Variants in CNBD1 observed in about 807,000 individuals in gnomAD.
CNBD1 encodes cyclic nucleotide-binding domain-containing protein 1.
Under a neutral mutation model 54.4 loss-of-function variants are expected in CNBD1, and 71 were observed. The observed-to-expected ratio is 1.30, with a 90% CI of 1.08 to 1.59. The LOEUF (loss-of-function observed/expected upper bound fraction) is 1.59. CNBD1 is among the 40% of genes most tolerant of loss of function. The probability of loss-of-function intolerance (pLI) is 0.00; values close to 1 mark genes in which losing one functional copy is unlikely to be tolerated. For missense variants in CNBD1, 659 were observed against 518.0 expected, an observed-to-expected ratio of 1.27 and a Z score of -2.64; for synonymous variants, 182 against 170.7, an observed-to-expected ratio of 1.07 and a Z score of -0.51.
chr8:86,921,963 T>C (rs1401941976), intron 3 of CNBD1, among the ~76,000 whole-genome samples: 1 of 152,014 alleles, frequency 6.6e-6, no homozygotes. Flanking sequence ...AGAGGAAGAC[T>C]TCAGGGCAGG....
In CNBD1 at chr8:87,241,095, T is replaced by C. The variant is rs376746399; in HGVS notation, c.771+3983T>C. ...GAAAACTTCAGGACTCTAAAAATTG[T>C]CATGAAGCAGGTATCTTTCAATCTT... On this transcript the variant is annotated intron_variant, in intron 6 of 10. Coordinates refer to ENST00000518476, the MANE Select transcript of CNBD1 (RefSeq NM_173538.3). Among the ~76,000 whole-genome samples, 35 of 152,208 alleles carry C rather than the reference T, an allele frequency of 2.3e-4. 1 individual carries two copies. Among genetic ancestry groups the C allele is most frequent in the East Asian group, 1.5e-3 (8 of 5,174 alleles).
chr8:87,141,388 A>T (rs922242397), intron 4 of CNBD1, among the ~76,000 whole-genome samples: 6 of 152,118 alleles, frequency 3.9e-5, no homozygotes, highest in Non-Finnish European at 7.4e-5. Context: ...ATGTTCTTAC[A>T]CTGTCAATAT....
chr8:87,346,034 C>A (rs1810169114), intron 8 of CNBD1, among the ~76,000 whole-genome samples: 1 of 150,384 alleles, frequency 6.6e-6, no homozygotes, highest in African/African-American at 2.5e-5. Context: ...GTTTAATTTT[C>A]TTTTTTTTTC....
At chr8:87,029,528 T>C (rs1166684457) in intron 4 of CNBD1, among the ~76,000 whole-genome samples, 2 of 152,050 alleles carry the variant, frequency 1.3e-5, no homozygotes, top group African/African-American at 2.4e-5. Flanking sequence ...TGTGCTCTCA[T>C]AGAAAGGTAA....
intron 5 of CNBD1, among the ~76,000 whole-genome samples, chr8:87,213,058 A>G (rs997244223): frequency 6.6e-6 from 1 of 152,194 alleles, no homozygotes; most frequent in Non-Finnish European, 1.5e-5. Flanking sequence ...GAATAGATAC[A>G]TTTTCAGAGA....
chr8:87,194,272 G>A (rs1813669476), intron 4 of CNBD1, among the ~76,000 whole-genome samples: 1 of 152,170 alleles, frequency 6.6e-6, no homozygotes, highest in Non-Finnish European at 1.5e-5. Flanking sequence ...AATAACTGGT[G>A]CGATAAATTG....
At chr8:87,060,737 A>G (rs974599425) in intron 4 of CNBD1, among the ~76,000 whole-genome samples, 4 of 152,168 alleles carry the variant, frequency 2.6e-5, no homozygotes, top group African/African-American at 9.6e-5. Context: ...TACAACTAAA[A>G]TAAAATTTTT....
intron 2 of CNBD1, among the ~76,000 whole-genome samples, chr8:86,901,986 C>A (rs1372169372): frequency 2.0e-5 from 3 of 152,088 alleles, no homozygotes; most frequent in African/African-American, 7.2e-5. Flanking sequence ...TAGAGCAAGA[C>A]AATTGGAATG....
chr8:86,871,234 A>C (rs1482561496), intron 1 of CNBD1, among the ~76,000 whole-genome samples: 1 of 152,206 alleles, frequency 6.6e-6, no homozygotes, highest in Non-Finnish European at 1.5e-5. Context: ...CATCTCCACT[A>C]GATGTCAGGC....
At chr8:87,363,244 C>G (rs1810559172) in intron 10 of CNBD1, among the ~76,000 whole-genome samples, 1 of 151,848 alleles carries the variant, frequency 6.6e-6, no homozygotes, top group Non-Finnish European at 1.5e-5. Flanking sequence ...TTTCTTTATC[C>G]AGTCTATCAA....
intron 5 of CNBD1, among the ~76,000 whole-genome samples, chr8:87,206,781 T>C (rs1265916909): frequency 6.6e-6 from 1 of 152,198 alleles, no homozygotes; most frequent in Non-Finnish European, 1.5e-5. Flanking sequence ...AAGCATCCCT[T>C]TTTGTTCCTC....
chr8:86,928,142 A>G (rs1011943577), intron 3 of CNBD1, among the ~76,000 whole-genome samples: 4 of 152,128 alleles, frequency 2.6e-5, no homozygotes, highest in Non-Finnish European at 5.9e-5. Flanking sequence ...TCTCTGTGAC[A>G]TCCTTCATTT....
intron 4 of CNBD1, among the ~76,000 whole-genome samples, chr8:86,971,344 C>T (rs35584342): frequency 0.045 from 6,906 of 152,190 alleles, 287 homozygotes; most frequent in East Asian, 0.2. Flanking sequence ...ATGGGGAAAC[C>T]ATGCTCATGA....
chr8:87,223,054 C>CT (rs34784758), intron 5 of CNBD1, among the ~76,000 whole-genome samples: 30,325 of 137,848 alleles, frequency 0.22, 3,378 homozygotes, highest in South Asian at 0.28. Flanking sequence ...TCTGATTTTT[C>CT]TTTTTTTTTT....
intron 4 of CNBD1, among the ~76,000 whole-genome samples, chr8:87,187,259 T>C (rs945907890): frequency 6.6e-6 from 1 of 151,978 alleles, no homozygotes; most frequent in Non-Finnish European, 1.5e-5. Flanking sequence ...ATTATGTATA[T>C]ATTTATTCCT....
At chr8:87,277,103 T>C (rs780293576) in intron 6 of CNBD1, among the ~76,000 whole-genome samples, 1 of 151,672 alleles carries the variant, frequency 6.6e-6, no homozygotes, top group Non-Finnish European at 1.5e-5. Context: ...TTCATATATG[T>C]ATATGTATAG....
chr8:87,200,613 A>G (rs1477560440), intron 4 of CNBD1, among the ~76,000 whole-genome samples: 1 of 152,166 alleles, frequency 6.6e-6, no homozygotes, highest in African/African-American at 2.4e-5. Flanking sequence ...AAAAAAGATT[A>G]TACAGGAATC....
intron 4 of CNBD1, among the ~76,000 whole-genome samples, chr8:86,943,739 A>G (rs1229784645): frequency 1.3e-5 from 2 of 151,916 alleles, no homozygotes; most frequent in East Asian, 3.9e-4. Context: ...TAAGCTTATC[A>G]TGTGTATTAG....
intron 6 of CNBD1, among the ~76,000 whole-genome samples, chr8:87,243,235 A>G (rs768990443): frequency 2.6e-5 from 4 of 152,226 alleles, no homozygotes; most frequent in Non-Finnish European, 5.9e-5. Context: ...GGATCCAACT[A>G]AAGAAAGAAT....
Sources: allele counts gnomAD v4.1 joint callset (sites outside exome capture counted in the v4.1 genomes callset), GRCh38; gene constraint gnomAD v4.1.1; transcripts MANE v1.5; gene names NCBI Gene and HGNC (gene_info 2026-07-23, HGNC 2026-07-21).